MACF1: variants seen among roughly 807,000 people sequenced by gnomAD.
The protein encoded by MACF1 is microtubule actin crosslinking factor 1.
A neutral mutation model predicts 854.8 loss-of-function variants in MACF1; 193 were observed. The ratio of observed to expected loss-of-function variants is 0.23; its 90% confidence interval spans 0.20 to 0.25. The LOEUF is 0.25. Ranked by LOEUF, MACF1 falls within the 10% of genes least tolerant of loss-of-function variation. The pLI, the probability that MACF1 is intolerant of heterozygous loss-of-function variation, is 1.00. For missense variants in MACF1, 7,722 were observed against 8,929.1 expected, an observed-to-expected ratio of 0.86 and a Z score of 5.45; for synonymous variants, 3,185 against 3,226.7, an observed-to-expected ratio of 0.99 and a Z score of 0.44.
chr1:39,197,952 C>G (rs79663575), intron 2 of MACF1, among the ~76,000 whole-genome samples: 1 of 152,064 alleles, frequency 6.6e-6, no homozygotes, highest in African/African-American at 2.4e-5. Context: ...AATCCCTGCA[C>G]TTTGGTAGGC....
chr1:39,361,416 G>A lies in MACF1; in HGVS notation c.12510G>A (p.Met4170Ile). ...GCAGCTTGGAGGCCACCCGTGAGAT[G>A]GTGACCCGATTCATGGAGACAGCAG... is the stretch of plus-strand genomic sequence containing the variant. ...QKSSLEATREMVTRFMETADS... is the reference protein window; with the variant it reads ...QKSSLEATREIVTRFMETADS... The change falls in exon 49 of 101, where the codon ATG becomes ATA. Residue 4170 changes from methionine (M) to isoleucine (I), a missense_variant. Coordinates refer to ENST00000564288, the MANE Select transcript of MACF1 (RefSeq NM_001394062.1). 6.2e-7 allele frequency: 1 copy of A among 1,614,122 alleles called. No individual in the cohort carries two copies. Among genetic ancestry groups the A allele is most frequent in the Non-Finnish European group, 8.5e-7 (1 of 1,180,038 alleles).
chr1:39,240,701 G>A (rs1644912143), intron 2 of MACF1, among the ~76,000 whole-genome samples: 1 of 152,158 alleles, frequency 6.6e-6, no homozygotes, highest in African/African-American at 2.4e-5. Flanking sequence ...GTTTCTTCAT[G>A]TTGGTCAGGC....
intron 2 of MACF1, among the ~76,000 whole-genome samples, chr1:39,116,169 C>T (rs905872315): frequency 3.3e-5 from 5 of 151,982 alleles, no homozygotes; most frequent in African/African-American, 4.8e-5. Context: ...AATTCAAAGA[C>T]GGGGAGAAAA....
Position 39,387,795 on chromosome 1 carries a change from G to A in MACF1, c.14953G>A (p.Ala4985Thr). ...ADEDGIRDEKAGINQNMDAVT... is the reference protein window; with the variant it reads ...ADEDGIRDEKTGINQNMDAVT... ...TGAGGATGGAATCCGGGATGAGAAG[G>A]CTGGGATCAACCAGAACATGGATGC... Residue 4985 changes from alanine to threonine, a missense_variant, in exon 58 of 101, where the codon GCT (alanine) becomes ACT (threonine). Ala to Thr is a moderately conservative substitution (Grantham distance 58). This residue lies in a region of MACF1 where 2,807 missense variants were observed against 3,235.8 expected (regional missense o/e 0.87). Transcript: ENST00000564288. The A allele has an allele frequency of 6.2e-7, 1 of 1,614,150 alleles. No individual in the cohort carries two copies. Among genetic ancestry groups the A allele is most frequent in the East Asian group, 2.2e-5 (1 of 44,884 alleles).
intron 2 of MACF1, among the ~76,000 whole-genome samples, chr1:39,163,353 AAAAAAAAG>A (rs1643842245): frequency 6.7e-6 from 1 of 150,184 alleles, no homozygotes; most frequent in African/African-American, 2.4e-5. Context: ...AAAAAAAAAA[AAAAAAAAG>A]AAAAGAAAAG....
chr1:39,189,594 A>G (rs1048581113), intron 2 of MACF1, among the ~76,000 whole-genome samples: 1 of 152,122 alleles, frequency 6.6e-6, no homozygotes, highest in Non-Finnish European at 1.5e-5. Flanking sequence ...TCCTCATGCT[A>G]TCTCTCCTCC....
chr1:39,295,344 G>A (rs559870473), intron 19 of MACF1, among the ~76,000 whole-genome samples, 194 bp downstream of exon 19: 1 of 152,240 alleles, frequency 6.6e-6, no homozygotes, highest in South Asian at 2.1e-4. Context: ...TTAGTCTAAG[G>A]AAACTACTAA....
chr1:39,443,038 G>A, intron 78 of MACF1, 127 bp downstream of exon 78: 1 of 875,388 alleles, frequency 1.1e-6, no homozygotes, highest in Non-Finnish European at 1.7e-6. Context: ...GGTTAATACT[G>A]TGCTGTAACT....
chr1:39,125,599 T>C (rs1642839652), intron 2 of MACF1, among the ~76,000 whole-genome samples: 1 of 152,234 alleles, frequency 6.6e-6, no homozygotes, highest in African/African-American at 2.4e-5. Context: ...TTTTCTGTAA[T>C]GGTATTCTCA....
chr1:39,335,121 A>T lies in MACF1; in HGVS notation c.8533A>T (p.Lys2845Ter). ...QAKKSREISLKEFGCKDQRKP... is the reference protein window; with the variant it reads ...QAKKSREISL ...AAAAAAGAGCAGGGAAATTTCCTTA[A>T]AGGAATTTGGGTGCAAGGATCAACG... Residue 2845 changes from lysine (K) to a stop codon, truncating the protein, a stop_gained, in exon 37 of 101, where the codon AAG (lysine) becomes TAG (stop). Transcript: ENST00000564288. LOFTEE classifies it high-confidence loss of function. 1 of 1,614,148 alleles carries T rather than the reference A, an allele frequency of 6.2e-7. No homozygotes were observed. Among genetic ancestry groups the T allele is most frequent in the South Asian group, 1.1e-5 (1 of 91,076 alleles).
chr1:39,417,294 C>T (rs944487882), intron 58 of MACF1, among the ~76,000 whole-genome samples: 11 of 152,110 alleles, frequency 7.2e-5, no homozygotes, highest in African/African-American at 2.4e-4. Context: ...ATGTAAATTC[C>T]CTGCTTATTT....
chr1:39,322,503 A>T, intron 31 of MACF1, 105 bp from the exon 32 acceptor site: 1 of 907,362 alleles, frequency 1.1e-6, no homozygotes, highest in Non-Finnish European at 1.8e-6. Context: ...CTCCAGCATG[A>T]GTGGTCACCA....
rs117653990 is a variant in MACF1, at chr1:39,463,772, C to T, written c.21753+86C>T. ...CTTTTCCTCCTGATGCTTAGAGGCC[C>T]AGAGCCCATCGGACTTGAGATGTGG... On this transcript the variant is annotated intron_variant, in intron 94 of 100. Transcript: ENST00000564288. 37 of 1,181,370 alleles carry T rather than the reference C, an allele frequency of 3.1e-5. No individual in the cohort carries two copies. The East Asian group carries it at 9.0e-4, about 29-fold the overall frequency. The allele number at this position is 1,181,370 out of a possible 1,614,324, so 73.2% of individuals were successfully genotyped here.
intron 2 of MACF1, among the ~76,000 whole-genome samples, chr1:39,195,859 C>G (rs947515732): frequency 2.0e-5 from 3 of 152,048 alleles, no homozygotes; most frequent in Admixed American, 6.6e-5. Flanking sequence ...TTGTGGTGAA[C>G]GAGGGCAGGG....
intron 2 of MACF1, among the ~76,000 whole-genome samples, chr1:39,240,746 A>G (rs1644912515): frequency 6.6e-6 from 1 of 152,142 alleles, no homozygotes; most frequent in Non-Finnish European, 1.5e-5. Flanking sequence ...TGATCTGCCC[A>G]TCTTGGCCTC....
intron 2 of MACF1, among the ~76,000 whole-genome samples, chr1:39,190,313 CT>C (rs1281339783): frequency 2.7e-5 from 4 of 150,508 alleles, no homozygotes; most frequent in South Asian, 2.1e-4. Context: ...CTCCCCGCCC[CT>C]CTCCTCTCTC....
chr1:39,389,584 T>C (rs1258296678), intron 58 of MACF1, among the ~76,000 whole-genome samples: 1 of 152,032 alleles, frequency 6.6e-6, no homozygotes, highest in Non-Finnish European at 1.5e-5. Context: ...GGTCTCGATC[T>C]CCTGACCTCA....
At chr1:39,225,625 T>G (rs1444216069) in intron 1 of MACF1, among the ~76,000 whole-genome samples, 1 of 152,204 alleles carries the variant, frequency 6.6e-6, no homozygotes, top group African/African-American at 2.4e-5. Flanking sequence ...TCTCTGCTTC[T>G]GTAGAGATGC....
At position 39,107,324 on chromosome 1, in the gene MACF1, T is replaced by C. The variant is rs576389883; in HGVS notation, c.220+22886T>C. 3.9e-5 allele frequency among the ~76,000 whole-genome samples: 6 copies of C among 151,952 alleles called. No individual in the cohort carries two copies. In the South Asian group the frequency reaches 1.0e-3, roughly 26 times the overall value. Reference sequence around the variant, plus strand: ...CTTGTTCCAGGAGAGACCTCTTTTGTTCAGTTTTTTTTTTTTAGCTGTCTC... The same window carrying C: ...CTTGTTCCAGGAGAGACCTCTTTTGCTCAGTTTTTTTTTTTTAGCTGTCTC... On this transcript the variant is annotated intron_variant, in intron 2 of 93. Coordinates refer to the MACF1 transcript ENST00000361689.
Sources: gnomAD v4.1 joint callset for allele counts (sites outside exome capture counted in the v4.1 genomes callset) on GRCh38, gnomAD v4.1.1 for gene constraint, gnomAD v4.1.1 regional missense constraint, MANE v1.5 for transcripts, NCBI Gene and HGNC (gene_info 2026-07-23, HGNC 2026-07-21) for gene names.